The following WSCD1 variants were observed in gnomAD, a reference collection of about 807,000 sequenced individuals.
WSCD1 encodes WSC domain sialate O sulfotransferase 1, also known as sialate:O-sulfotransferase 1.
A neutral mutation model predicts 60.4 loss-of-function variants in WSCD1; 41 were observed. The ratio of observed to expected loss-of-function variants is 0.68; its 90% CI spans 0.53 to 0.88. The LOEUF (loss-of-function observed/expected upper bound fraction) is 0.88. Among genes scored for constraint, WSCD1 ranks in the 40% least tolerant of loss-of-function variants. The probability of loss-of-function intolerance (pLI) is 0.00; values close to 1 mark genes in which losing one functional copy is unlikely to be tolerated. For missense variants in WSCD1, 784 were observed against 796.2 expected, an observed-to-expected ratio of 0.98 and a Z score of 0.18; for synonymous variants, 361 against 332.5, an observed-to-expected ratio of 1.09 and a Z score of -0.93.
intron 2 of WSCD1, among the ~76,000 whole-genome samples, chr17:6,082,782 TG>T (rs1339986421): frequency 6.6e-6 from 1 of 152,122 alleles, no homozygotes; most frequent in African/African-American, 2.4e-5. Flanking sequence ...GGAGGAGCAC[TG>T]GGGCCTGGGT....
At position 6,075,723 on chromosome 17, in the gene WSCD1, C is replaced by T. The variant is rs1347191714; in HGVS notation, c.-288-4648C>T. 6.6e-6 allele frequency among the ~76,000 whole-genome samples: 1 copy of T among 152,150 alleles called. No homozygotes were observed. Among genetic ancestry groups the T allele is most frequent in the Non-Finnish European group, 1.5e-5 (1 of 68,022 alleles). ...AGGGCAGTGGGTGTGCACCTTTGTC[C>T]AGCCCTGGCGTGCCCCCTCTACCCC... On this transcript the variant is annotated intron_variant, in intron 1 of 8. Transcript: ENST00000317744. This position sits in a 1 kb window ranked among gnomAD's most constrained non-coding sequence, Gnocchi z 4.1.
At chr17:6,099,101 T>G (rs1406154928) in intron 5 of WSCD1, among the ~76,000 whole-genome samples, 1 of 151,960 alleles carries the variant, frequency 6.6e-6, no homozygotes, top group Non-Finnish European at 1.5e-5. Flanking sequence ...GGGTACAAAT[T>G]GCAGAGGGCT....
intron 5 of WSCD1, among the ~76,000 whole-genome samples, chr17:6,096,389 T>A (rs1910430883): frequency 1.3e-5 from 2 of 152,108 alleles, no homozygotes; most frequent in Middle Eastern, 6.8e-3. Context: ...CCACTCCCGC[T>A]CTCCCTGCTT....
At chr17:6,099,571 T>G (rs1910670925) in intron 5 of WSCD1, among the ~76,000 whole-genome samples, 1 of 151,872 alleles carries the variant, frequency 6.6e-6, no homozygotes, top group African/African-American at 2.4e-5. Context: ...ATTCCCACTG[T>G]CTTTTCCTTG....
chr17:6,121,030 G>A lies in WSCD1; in HGVS notation c.*369G>A, dbSNP rs1246108602. 3.9e-6 allele frequency: 1 copy of A among 256,526 alleles called. No homozygotes were observed. Among genetic ancestry groups the A allele is most frequent in the South Asian group, 6.3e-5 (1 of 15,786 alleles). The allele number at this position is 256,526 out of a possible 1,614,324, so 15.9% of individuals were successfully genotyped here. A position where few individuals can be genotyped will look rare whatever the true frequency, so the allele number is the denominator to read the frequency against. On this transcript the variant is annotated 3_prime_UTR_variant, in exon 9 of 9. Coordinates refer to ENST00000317744, the MANE Select transcript of WSCD1 (RefSeq NM_015253.2). ...GCCAGGCCGTGTGCTCCTGGAGGCT[G>A]GCTGGCTGTCTCTCTCACACAGATA...
intron 2 of WSCD1, among the ~76,000 whole-genome samples, chr17:6,084,317 G>A (rs1909480124): frequency 6.6e-6 from 1 of 152,274 alleles, no homozygotes; most frequent in South Asian, 2.1e-4. Context: ...AGAGAATGGG[G>A]GAAGGCAGGG....
intron 2 of WSCD1, among the ~76,000 whole-genome samples, chr17:6,083,599 T>A (rs1223152213): frequency 6.6e-6 from 1 of 152,042 alleles, no homozygotes; most frequent in Non-Finnish European, 1.5e-5. Context: ...GCCAACATGG[T>A]GAAACCCTGT....
At chr17:6,074,617 C>G (rs1347207168) in intron 1 of WSCD1, among the ~76,000 whole-genome samples, 4 of 152,248 alleles carry the variant, frequency 2.6e-5, no homozygotes, top group African/African-American at 4.8e-5. Context: ...AGGAGTGGTT[C>G]TGCTCCAGAG....
chr17:6,098,394 T>G lies in WSCD1; in HGVS notation c.849+3171T>G, dbSNP rs150602298. ...AATCCAGATTGCTGCAGTTTCACAC[T>G]GGAGCATGTGCCAGAAGATACACGC... On this transcript the variant is annotated intron_variant, in intron 5 of 8. Coordinates refer to ENST00000317744, the MANE Select transcript of WSCD1 (RefSeq NM_015253.2). Among the ~76,000 whole-genome samples the G allele has an allele frequency of 3.5e-3, 540 of 152,390 alleles. 3 individuals are homozygous for G. Among genetic ancestry groups the G allele is most frequent in the African/African-American group, 0.012 (499 of 41,604 alleles).
intron 2 of WSCD1, among the ~76,000 whole-genome samples, chr17:6,085,738 T>C (rs1030077802): frequency 2.0e-5 from 3 of 152,252 alleles, no homozygotes; most frequent in Admixed American, 6.5e-5. Flanking sequence ...GGCTGTTTAA[T>C]TGAAAGCTGA....
chr17:6,087,567 C>A (rs1909738869), intron 2 of WSCD1, among the ~76,000 whole-genome samples: 1 of 152,186 alleles, frequency 6.6e-6, no homozygotes, highest in Non-Finnish European at 1.5e-5. Flanking sequence ...CTCTGGCCCC[C>A]AAGGAGGCAA....
At position 6,070,446 on chromosome 17, in the gene WSCD1, C is replaced by T. The variant is rs1252848246; in HGVS notation, c.-495C>T. 6.8e-6 allele frequency: 1 copy of T among 147,194 alleles called. No homozygotes were observed. Among genetic ancestry groups the T allele is most frequent in the Admixed American group, 6.8e-5 (1 of 14,738 alleles). 9.1% of individuals were successfully genotyped at this position (147,194 alleles called of 1,614,324 possible). ...CTCCGCGCCCGCCCGCCCGCCCCGC[C>T]GTTCAGCCCGGACGCCAGCAGCCCC... On this transcript the variant is annotated 5_prime_UTR_variant, in exon 1 of 9. Transcript: ENST00000317744.
At chr17:6,104,723 C>G (rs888728378) in intron 5 of WSCD1, among the ~76,000 whole-genome samples, 6 of 152,208 alleles carry the variant, frequency 3.9e-5, no homozygotes, top group African/African-American at 1.4e-4. Flanking sequence ...GCAGAGCTAA[C>G]CTCCATATTG....
At position 6,090,390 on chromosome 17, in the gene WSCD1, C is replaced by T. The variant is rs371477621; in HGVS notation, c.612C>T (p.Ser204=). The change falls in exon 4 of 9, where the codon AGC becomes AGT. Residue 204 remains serine, a synonymous_variant. Transcript: ENST00000317744. ...CYCGNRLPAV[S]VGLEECNHEC... Reference sequence around the variant, plus strand: ...GCGGGAACCGGCTGCCAGCGGTGAGCGTGGGGCTGGAAGAGTGTAACCATG... The same window carrying T: ...GCGGGAACCGGCTGCCAGCGGTGAGTGTGGGGCTGGAAGAGTGTAACCATG... The T allele has an allele frequency of 1.1e-5, 17 of 1,609,910 alleles. No homozygotes were observed. The African/African-American group carries it at 1.1e-4, about 10-fold the overall frequency.
At chr17:6,095,815 GA>G (rs992009080) in intron 5 of WSCD1, among the ~76,000 whole-genome samples, 6 of 152,282 alleles carry the variant, frequency 3.9e-5, no homozygotes, top group African/African-American at 1.4e-4. Flanking sequence ...AAGGCTGGGG[GA>G]GACCCAGCAG....
chr17:6,071,364 G>A (rs1020471520), intron 1 of WSCD1, among the ~76,000 whole-genome samples: 1 of 152,110 alleles, frequency 6.6e-6, no homozygotes, highest in African/African-American at 2.4e-5. Context: ...CTGGGATGAT[G>A]CCTGCTCTGC....
intron 7 of WSCD1, among the ~76,000 whole-genome samples, chr17:6,116,875 G>A (rs1046027881): frequency 1.3e-5 from 2 of 152,164 alleles, no homozygotes; most frequent in Non-Finnish European, 2.9e-5. Flanking sequence ...GAGCACTTAC[G>A]GAACATGTCT....
At chr17:6,113,884 T>C (rs183428874) in intron 7 of WSCD1, among the ~76,000 whole-genome samples, 5 of 152,242 alleles carry the variant, frequency 3.3e-5, no homozygotes, top group Admixed American at 3.3e-4. Flanking sequence ...TCTTATACTC[T>C]ATTGGTGGGA....
intron 1 of WSCD1, among the ~76,000 whole-genome samples, chr17:6,073,447 T>A (rs1597347507): frequency 6.6e-6 from 1 of 152,118 alleles, no homozygotes; most frequent in East Asian, 1.9e-4. Flanking sequence ...CTGGCAAACA[T>A]GGCAAAACCC....
Sources: allele counts gnomAD v4.1 joint callset (sites outside exome capture counted in the v4.1 genomes callset), GRCh38; gene constraint gnomAD v4.1.1; non-coding constraint Gnocchi (gnomAD v3.1); transcripts MANE v1.5; gene names NCBI Gene and HGNC (gene_info 2026-07-23, HGNC 2026-07-21).